The following GRID1 variants were observed in gnomAD, a reference collection of about 807,000 sequenced individuals.
GRID1 encodes glutamate receptor ionotropic, delta-1.
Under a neutral mutation model 98.0 loss-of-function variants are expected in GRID1, and 28 were observed. The observed-to-expected ratio is 0.29, with a 90% CI of 0.21 to 0.39. The LOEUF is 0.39. Ranked by LOEUF, GRID1 falls within the 10% of genes least tolerant of loss-of-function variation. The pLI is 1.00. For synonymous variants in GRID1, 553 were observed against 538.5 expected, an observed-to-expected ratio of 1.03 and a Z score of -0.37; for missense variants, 1,111 against 1,340.5, an observed-to-expected ratio of 0.83 and a Z score of 2.67.
chr10:86,242,287 G>A (rs1846650041), intron 2 of GRID1, among the ~76,000 whole-genome samples: 1 of 152,192 alleles, frequency 6.6e-6, no homozygotes, highest in Non-Finnish European at 1.5e-5. Context: ...GGCATTCCTA[G>A]CTTTTGGATC....
intron 13 of GRID1, among the ~76,000 whole-genome samples, chr10:85,631,939 G>A (rs994871798): frequency 4.0e-5 from 6 of 151,836 alleles, no homozygotes; most frequent in Non-Finnish European, 7.4e-5. Context: ...TAAAGCACAG[G>A]AAGAGGACTG....
At chr10:85,696,764 G>A (rs1267927228) in intron 12 of GRID1, among the ~76,000 whole-genome samples, 1 of 151,338 alleles carries the variant, frequency 6.6e-6, no homozygotes, top group East Asian at 1.9e-4. Flanking sequence ...CTCTTTTTTT[G>A]TTTCTAATAT....
At chr10:86,049,778 G>T (rs999020425) in intron 4 of GRID1, among the ~76,000 whole-genome samples, 2 of 152,168 alleles carry the variant, frequency 1.3e-5, no homozygotes, top group Non-Finnish European at 2.9e-5. Context: ...ACCTCCTCTT[G>T]GAGACATATT....
chr10:85,726,798 A>T (rs1343178318), intron 10 of GRID1, among the ~76,000 whole-genome samples: 1 of 152,262 alleles, frequency 6.6e-6, no homozygotes, highest in African/African-American at 2.4e-5. Context: ...GGTATGAAAG[A>T]TATCAATGGC....
At chr10:86,079,323 G>C (rs539492205) in intron 4 of GRID1, among the ~76,000 whole-genome samples, 1 of 152,284 alleles carries the variant, frequency 6.6e-6, no homozygotes, top group South Asian at 2.1e-4. Context: ...AAGTCATCCT[G>C]GTTCTCCCTG....
At chr10:85,906,307 G>A (rs561070656) in intron 5 of GRID1, among the ~76,000 whole-genome samples, 56 of 152,092 alleles carry the variant, frequency 3.7e-4, no homozygotes, top group Non-Finnish European at 6.9e-4. Context: ...AATTAAGGAT[G>A]AGTATTTTAA....
At chr10:86,053,275 A>C (rs993432692) in intron 4 of GRID1, among the ~76,000 whole-genome samples, 1 of 152,186 alleles carries the variant, frequency 6.6e-6, no homozygotes, top group African/African-American at 2.4e-5. Flanking sequence ...AAAAAAGAAA[A>C]AGCTGAGCTT....
At chr10:86,307,539 G>T (rs1163141177) in intron 2 of GRID1, among the ~76,000 whole-genome samples, 4 of 152,010 alleles carry the variant, frequency 2.6e-5, no homozygotes, top group Admixed American at 2.0e-4. Flanking sequence ...GAGCTGCTGT[G>T]GGGGGGAATG....
chr10:86,071,886 G>A (rs1293316889), intron 4 of GRID1, among the ~76,000 whole-genome samples: 1 of 152,214 alleles, frequency 6.6e-6, no homozygotes, highest in African/African-American at 2.4e-5. Flanking sequence ...TCCTGGAGGA[G>A]GAGGCAGAAC....
At chr10:85,763,996 G>A (rs929889835) in intron 8 of GRID1, among the ~76,000 whole-genome samples, 1 of 152,146 alleles carries the variant, frequency 6.6e-6, no homozygotes, top group Non-Finnish European at 1.5e-5. Flanking sequence ...TGAGGCCACA[G>A]AGAAGGAGCC....
chr10:85,992,308 C>G (rs1842689772), intron 4 of GRID1, among the ~76,000 whole-genome samples: 1 of 152,140 alleles, frequency 6.6e-6, no homozygotes. Context: ...ACACTCAGCA[C>G]TCAGGCACAG....
At chr10:86,199,546 G>A (rs1289314511) in intron 3 of GRID1, among the ~76,000 whole-genome samples, 4 of 152,090 alleles carry the variant, frequency 2.6e-5, no homozygotes, top group Non-Finnish European at 4.4e-5. Flanking sequence ...CAGCCATATG[G>A]CCTAGAGCAA....
intron 4 of GRID1, among the ~76,000 whole-genome samples, chr10:86,000,540 A>G (rs1842791485): frequency 6.6e-6 from 1 of 152,254 alleles, no homozygotes; most frequent in South Asian, 2.1e-4. Flanking sequence ...AAGTTATGGT[A>G]ATCAAAACAG....
intron 2 of GRID1, among the ~76,000 whole-genome samples, chr10:86,317,267 G>A (rs932736163): frequency 6.6e-6 from 1 of 152,054 alleles, no homozygotes; most frequent in Non-Finnish European, 1.5e-5. Flanking sequence ...CCTCCTGGGA[G>A]GGAGGCCGCA....
chr10:86,170,347 G>A (rs1845465357), intron 3 of GRID1, among the ~76,000 whole-genome samples: 1 of 152,238 alleles, frequency 6.6e-6, no homozygotes. Context: ...GTCCTTGGAT[G>A]CACCACAAGC....
chr10:85,969,885 A>C (rs1051519315), intron 4 of GRID1, among the ~76,000 whole-genome samples: 4 of 152,030 alleles, frequency 2.6e-5, no homozygotes, highest in Non-Finnish European at 5.9e-5. Flanking sequence ...AAAATAATAG[A>C]GAAAATCAAT....
chr10:86,002,567 G>T (rs1842814185), intron 4 of GRID1, among the ~76,000 whole-genome samples: 1 of 152,108 alleles, frequency 6.6e-6, no homozygotes, highest in South Asian at 2.1e-4. Context: ...TATTACAGTG[G>T]TTACTGGGCC....
At chr10:86,155,513 A>G (rs987010038) in intron 3 of GRID1, among the ~76,000 whole-genome samples, 5 of 152,264 alleles carry the variant, frequency 3.3e-5, no homozygotes, top group Admixed American at 2.0e-4. Flanking sequence ...TAATCCTACC[A>G]TTCTGGAATA....
At chr10:85,806,160 T>C (rs1842621593) in intron 8 of GRID1, among the ~76,000 whole-genome samples, 1 of 152,004 alleles carries the variant, frequency 6.6e-6, no homozygotes, top group African/African-American at 2.4e-5. Context: ...GCAAAAGATT[T>C]GAATAGACAC....
Sources: allele counts gnomAD v4.1 joint callset (sites outside exome capture counted in the v4.1 genomes callset), GRCh38; gene constraint gnomAD v4.1.1; transcripts MANE v1.5; gene names NCBI Gene and HGNC (gene_info 2026-07-23, HGNC 2026-07-21).